Variants in PAM observed in about 807,000 individuals in gnomAD.
The protein encoded by PAM is peptidylglycine alpha-amidating monooxygenase.
In PAM, 72 loss-of-function variants were observed where a neutral mutation model predicts 122.1. The ratio of observed to expected loss-of-function variants is 0.59; its 90% CI spans 0.49 to 0.72. The LOEUF (loss-of-function observed/expected upper bound fraction) is 0.72, where lower values mean the gene tolerates loss of function less well. Among genes scored for constraint, PAM ranks in the 30% least tolerant of loss-of-function variants. PAM has a pLI of 0.00. For missense variants in PAM, 1,106 were observed against 1,183.7 expected, an observed-to-expected ratio of 0.93 and a Z score of 0.96; for synonymous variants, 389 against 404.4, an observed-to-expected ratio of 0.96 and a Z score of 0.46.
At chr5:102,873,814 T>A (rs1381450709) in intron 3 of PAM, 1 of 152,192 alleles carries the variant, frequency 6.6e-6, no homozygotes, top group Non-Finnish European at 1.5e-5. Context: ...TGCATTGTCA[T>A]TGTCTTAAAA....
At chr5:102,931,177 C>T (rs1751381758) in intron 7 of PAM, among the ~76,000 whole-genome samples, 1 of 152,196 alleles carries the variant, frequency 6.6e-6, no homozygotes, top group African/African-American at 2.4e-5. Context: ...TGTCTAGTTA[C>T]ACATAATATG....
chr5:102,983,708 G>A (rs926445901), intron 15 of PAM, among the ~76,000 whole-genome samples: 7 of 151,982 alleles, frequency 4.6e-5, no homozygotes, highest in Non-Finnish European at 8.8e-5. Context: ...TAGCTTCAAC[G>A]TAAAGGGTCT....
intron 21 of PAM, among the ~76,000 whole-genome samples, chr5:103,016,545 C>G (rs957731115): frequency 1.3e-5 from 2 of 152,200 alleles, no homozygotes; most frequent in Non-Finnish European, 2.9e-5. Context: ...GGCTTCTCTT[C>G]CAAGAACTAG....
At position 103,007,241 on chromosome 5, in the gene PAM, T is replaced by G. The variant is rs756404115; in HGVS notation, c.2015-216T>G. 5.1e-4 allele frequency among the ~76,000 whole-genome samples: 75 copies of G among 146,990 alleles called. 3 individuals carry two copies. The highest frequency in any genetic ancestry group is 3.5e-3 in the Middle Eastern group (1 of 282). ...CACACACGTCTTGTAAGGAAAATAA[T>G]GTATCCACCAAACAACTATCCAAAT... On this transcript the variant is annotated intron_variant, in intron 19 of 25. Transcript: ENST00000438793.
At chr5:102,893,053 G>T (rs565012785) in intron 3 of PAM, among the ~76,000 whole-genome samples, 2 of 151,682 alleles carry the variant, frequency 1.3e-5, no homozygotes, top group African/African-American at 2.4e-5. Flanking sequence ...TCAGTTAAAG[G>T]TATCTCACTT....
chr5:102,980,412 T>G (rs1442986184), intron 15 of PAM, among the ~76,000 whole-genome samples: 1 of 152,190 alleles, frequency 6.6e-6, no homozygotes, highest in African/African-American at 2.4e-5. Flanking sequence ...TTTAAATTGT[T>G]CTTAATTGGG....
chr5:102,836,083 G>A (rs1044273876), intron 1 of PAM, among the ~76,000 whole-genome samples: 2 of 152,134 alleles, frequency 1.3e-5, no homozygotes, highest in Non-Finnish European at 1.5e-5. Flanking sequence ...TGCAAAAAAG[G>A]CAGATTAATG....
chr5:102,891,170 C>A (rs1794682351), intron 3 of PAM, among the ~76,000 whole-genome samples: 1 of 151,864 alleles, frequency 6.6e-6, no homozygotes, highest in South Asian at 2.1e-4. Flanking sequence ...ATTCAACTAA[C>A]ATTCACTGCA....
chr5:102,819,104 A>G (rs1770865818), intron 1 of PAM, among the ~76,000 whole-genome samples: 1 of 152,310 alleles, frequency 6.6e-6, no homozygotes, highest in Admixed American at 6.5e-5. Flanking sequence ...AATCTCTCCT[A>G]TATTCTTTGC....
At chr5:103,004,715 T>C (rs1194439097) in intron 17 of PAM, among the ~76,000 whole-genome samples, 1 of 152,184 alleles carries the variant, frequency 6.6e-6, no homozygotes, top group Non-Finnish European at 1.5e-5. Context: ...AGCCTTTGAG[T>C]TATATGTCTA....
chr5:102,928,038 A>T (rs1047665694), intron 7 of PAM, among the ~76,000 whole-genome samples: 21 of 152,322 alleles, frequency 1.4e-4, no homozygotes, highest in African/African-American at 4.6e-4. Context: ...TAGAACAGAC[A>T]GATTGTGAGA....
At position 102,949,576 on chromosome 5, in the gene PAM, C is replaced by T. The variant is rs1451520877; in HGVS notation, c.683C>T (p.Pro228Leu). Residue 228 changes from proline (P) to leucine (L), a missense_variant, in exon 10 of 26, where the codon CCA becomes CTA. Pro to Leu is a moderately conservative substitution (Grantham distance 98). This residue lies in a region of PAM where 670 missense variants were observed against 690.3 expected (regional missense o/e 0.97). Coordinates refer to ENST00000438793, the MANE Select transcript of PAM (RefSeq NM_001177306.2). ...ATTTCATGCCATTATAAAAATTATCCAATGCATGTCTTTGCCTATAGAGTT... is the reference window on the plus strand; with the variant it reads ...ATTTCATGCCATTATAAAAATTATCTAATGCATGTCTTTGCCTATAGAGTT... The part of the protein sequence containing the change: ...SDISCHYKNY[P>L]MHVFAYRVHT... The T allele has an allele frequency of 1.3e-6, 2 of 1,550,634 alleles. No individual in the cohort carries two copies. Among genetic ancestry groups the T allele is most frequent in the South Asian group, 1.1e-5 (1 of 89,798 alleles).
At chr5:102,793,154 A>T (rs999867768) in intron 1 of PAM, among the ~76,000 whole-genome samples, 5 of 152,194 alleles carry the variant, frequency 3.3e-5, no homozygotes, top group African/African-American at 9.6e-5. Flanking sequence ...AACACCGAAG[A>T]TTCTTTGCGT....
At chr5:102,974,492 G>A in intron 15 of PAM, 56 bp downstream of exon 15, 1 of 1,140,274 alleles carries the variant, frequency 8.8e-7, no homozygotes, top group Non-Finnish European at 1.3e-6. Context: ...ATCCACGTTA[G>A]CAAAACCTGA....
At chr5:103,015,668 T>G (rs1356639159) in intron 21 of PAM, among the ~76,000 whole-genome samples, 1 of 152,136 alleles carries the variant, frequency 6.6e-6, no homozygotes, top group Non-Finnish European at 1.5e-5. Context: ...GAGTCCCATC[T>G]ACCACGCCTC....
intron 1 of PAM, among the ~76,000 whole-genome samples, chr5:102,841,509 G>C (rs781246804): frequency 2.0e-5 from 3 of 151,362 alleles, no homozygotes; most frequent in Non-Finnish European, 2.9e-5. Flanking sequence ...TAGCAGATTT[G>C]TTGTATATTC....
At chr5:102,802,188 T>A (rs1764962868) in intron 1 of PAM, among the ~76,000 whole-genome samples, 1 of 152,200 alleles carries the variant, frequency 6.6e-6, no homozygotes, top group Admixed American at 6.5e-5. Flanking sequence ...AGCTCTTCCT[T>A]TGGGACTTAT....
At chr5:103,007,100 C>T (rs1779192716) in intron 19 of PAM, 89 bp downstream of exon 19, 1 of 965,698 alleles carries the variant, frequency 1.0e-6, no homozygotes, top group Non-Finnish European at 1.6e-6. Flanking sequence ...ATTCTTTAAG[C>T]TGTAATTGTC....
At chr5:102,997,014 C>A (rs1775899965) in intron 16 of PAM, among the ~76,000 whole-genome samples, 1 of 151,980 alleles carries the variant, frequency 6.6e-6, no homozygotes. Flanking sequence ...TTTGTGTTAT[C>A]ACTGATATTC....
Sources: allele counts gnomAD v4.1 joint callset (sites outside exome capture counted in the v4.1 genomes callset), GRCh38; gene constraint gnomAD v4.1.1; regional missense constraint gnomAD v4.1.1; transcripts MANE v1.5; gene names NCBI Gene and HGNC (gene_info 2026-07-23, HGNC 2026-07-21).